MDC1: variants seen among roughly 807,000 people sequenced by gnomAD.
The protein encoded by MDC1 is mediator of DNA damage checkpoint 1.
In MDC1, 81 loss-of-function variants were observed where a neutral mutation model predicts 142.5. That is an observed-to-expected ratio of 0.57 (90% CI 0.47 to 0.68). MDC1 has a LOEUF of 0.68. Ranked by LOEUF, MDC1 falls within the 30% of genes least tolerant of loss-of-function variation. The probability of loss-of-function intolerance (pLI) is 0.00; values close to 1 mark genes in which losing one functional copy is unlikely to be tolerated. For missense variants in MDC1, 2,119 were observed against 2,547.9 expected (o/e 0.83, Z 3.62); for synonymous variants, 797 against 968.4 (o/e 0.82, Z 3.29).
At position 30,716,749 on chromosome 6, in the gene MDC1, A is replaced by AAATAGT. The variant is rs1384101333; in HGVS notation, c.-4+495_-4+496insACTATT. 1 of 196,874 alleles carries AAATAGT rather than the reference A, an allele frequency of 5.1e-6. No homozygotes were observed. The highest frequency in any genetic ancestry group is 2.4e-5 in the African/African-American group (1 of 41,826). 12.2% of individuals were successfully genotyped at this position (196,874 alleles called of 1,614,324 possible). Reference sequence around the variant, plus strand: ...CATATTCATTCAATGGTTATGGTATACCTGTTTGAAGTATTTGGTATACAT... The same window carrying AAATAGT: ...CATATTCATTCAATGGTTATGGTATAAATAGTCCTGTTTGAAGTATTTGGTATACAT... On this transcript the variant is annotated intron_variant, in intron 1 of 14. Transcript: ENST00000376406. The surrounding 1 kb of genome is among the most constrained non-coding windows in gnomAD (Gnocchi z 4.4).
In MDC1 at chr6:30,703,817, T is replaced by G; in HGVS notation, c.5366A>C (p.Gln1789Pro). The change falls in exon 10 of 15, where the codon CAA (glutamine) becomes CCA (proline). Residue 1789 changes from glutamine (Q) to proline (P), a missense_variant. Physicochemically the swap from Gln to Pro is moderately conservative, Grantham distance 76 (BLOSUM62 -1). Coordinates refer to ENST00000376406, the MANE Select transcript of MDC1 (RefSeq NM_014641.3). The surrounding 1 kb of genome is among the most constrained non-coding windows in gnomAD (Gnocchi z 4.4). ...AGATCTACCTGCTGGTTCCACCTTTTGGATCTGGGAGGCATGAATTGGTGT... is the reference window on the plus strand; with the variant it reads ...AGATCTACCTGCTGGTTCCACCTTTGGGATCTGGGAGGCATGAATTGGTGT... ...LETPIHASQI[Q>P]KVEPAGRSRF... 1 of 1,607,734 alleles carries G rather than the reference T, an allele frequency of 6.2e-7. No homozygotes were observed. The highest frequency in any genetic ancestry group is 1.7e-4 in the Middle Eastern group (1 of 6,018).
At position 30,712,570 on chromosome 6, in the gene MDC1, C is replaced by T; in HGVS notation, c.1372G>A (p.Glu458Lys). ...TTTTCCACTGGGAGCTCTTCCTCCT[C>T]CACGTCTGTGTCACTGTCTCTCTCA... ...TTERDSDTDV[E>K]EEELPVENRE... is the part of the protein sequence containing the mutation. The change falls in exon 5 of 15, where the codon GAG becomes AAG. Residue 458 changes from glutamate (E) to lysine (K), a missense_variant. Transcript: ENST00000376406. The surrounding 1 kb of genome is among the most constrained non-coding windows in gnomAD (Gnocchi z 4.7). The T allele has an allele frequency of 6.2e-7, 1 of 1,613,104 alleles. No individual in the cohort carries two copies. The highest frequency in any genetic ancestry group is 8.5e-7 in the Non-Finnish European group (1 of 1,180,038).
Position 30,708,007 on chromosome 6 carries a change from C to T in MDC1, c.2572G>A (p.Asp858Asn). Residue 858 changes from aspartate to asparagine, a missense_variant, in exon 8 of 15, where the codon GAC becomes AAC. Asp to Asn is a conservative substitution (Grantham distance 23, BLOSUM62 1). Coordinates refer to ENST00000376406, the MANE Select transcript of MDC1 (RefSeq NM_014641.3). Reference sequence around the variant, plus strand: ...GCTAACAACTGTTTTTGTTCTCTGTCCTGTTTCCCCTTGGTTAATTCTTCC... The same window carrying T: ...GCTAACAACTGTTTTTGTTCTCTGTTCTGTTTCCCCTTGGTTAATTCTTCC... ...GEEELTKGKQ[D>N]REQKQLLARD... 4 of 1,613,058 alleles carry T rather than the reference C, an allele frequency of 2.5e-6. No individual in the cohort carries two copies. Among genetic ancestry groups the T allele is most frequent in the Non-Finnish European group, 3.4e-6 (4 of 1,180,028 alleles).
chr6:30,707,785 C>A lies in MDC1; in HGVS notation c.2794G>T (p.Glu932Ter). 6.2e-7 allele frequency: 1 copy of A among 1,613,072 alleles called. No homozygotes were observed. Among genetic ancestry groups the A allele is most frequent in the Non-Finnish European group, 8.5e-7 (1 of 1,180,040 alleles). The part of the protein sequence containing the change: ...PVANRECDPA[E>*]LEEKVPKVIL... ...ACTTTGGGCACCTTCTCTTCTAACT[C>A]GGCTGGATCGCACTCTCTGTTTGCT... The change falls in exon 8 of 15, where the codon GAG becomes TAG. Residue 932 changes from glutamate to a stop codon, truncating the protein, a stop_gained. Coordinates refer to ENST00000376406, the MANE Select transcript of MDC1 (RefSeq NM_014641.3). LOFTEE classifies it high-confidence loss of function.
In MDC1 at chr6:30,712,302, C is replaced by T. The variant is rs762689062; in HGVS notation, c.1640G>A (p.Gly547Glu). The change falls in exon 5 of 15, where the codon GGG becomes GAG. Residue 547 changes from glycine (G) to glutamate (E), a missense_variant. Coordinates refer to ENST00000376406, the MANE Select transcript of MDC1 (RefSeq NM_014641.3). The surrounding 1 kb of genome is among the most constrained non-coding windows in gnomAD (Gnocchi z 4.7). ...HIKKHQVSVE[G>E]TNQTDVKAVG... ...TGCTTTCACATCTGTTTGATTTGTC[C>T]CCTCCACAGACACCTGATGCTTCTT... 8.0e-5 allele frequency: 129 copies of T among 1,612,952 alleles called. No homozygotes were observed. Among genetic ancestry groups the T allele is most frequent in the Non-Finnish European group, 1.1e-4 (126 of 1,180,040 alleles).
Position 30,703,663 on chromosome 6 carries a change from C to A in MDC1, c.5520G>T (p.Lys1840Asn). Residue 1840 changes from lysine (K) to asparagine (N), a missense_variant, in exon 10 of 15, where the codon AAG becomes AAT. Transcript: ENST00000376406. This position sits in a 1 kb window ranked among gnomAD's most constrained non-coding sequence, Gnocchi z 4.4. Reference protein sequence around the residue: ...GEVSQKTVIIKEEEEDTAEKP... With the variant: ...GEVSQKTVIINEEEEDTAEKP... ...TCTCTGCAGTATCTTCTTCCTCTTC[C>A]TTGATAATCACTGTCTTCTGGGAGA... 6.4e-7 allele frequency: 1 copy of A among 1,558,282 alleles called. No homozygotes were observed. The highest frequency in any genetic ancestry group is 2.0e-5 in the Admixed American group (1 of 50,172).
rs756581000 is a variant in MDC1 at position 30,711,405 on chromosome 6, C to T, written c.2221+7G>A. On this transcript the variant is annotated splice_region_variant and intron_variant, in intron 7 of 14. Coordinates refer to ENST00000376406, the MANE Select transcript of MDC1 (RefSeq NM_014641.3). ...GGGGACACAGAGGAGGGAAGAGTTT[C>T]TTATACCTGTTGTCTGGAAGCTGCA... 19 of 1,611,490 alleles carry T rather than the reference C, an allele frequency of 1.2e-5. No individual in the cohort carries two copies. Among genetic ancestry groups the T allele is most frequent in the Non-Finnish European group, 1.6e-5 (19 of 1,178,702 alleles).
Position 30,703,857 on chromosome 6 carries a change from G to A in MDC1, c.5326C>T (p.Pro1776Ser), listed in dbSNP as rs142662059. 296 of 1,613,918 alleles carry A rather than the reference G, an allele frequency of 1.8e-4. No individual in the cohort carries two copies. In the African/African-American group the frequency reaches 3.3e-3, roughly 18 times the overall value. Residue 1776 changes from proline to serine, a missense_variant, in exon 10 of 15, where the codon CCC (proline) becomes TCC (serine). Transcript: ENST00000376406. The surrounding 1 kb of genome is among the most constrained non-coding windows in gnomAD (Gnocchi z 4.4). ...TGAATTGGTGTCTCAAGAAGCTGGG[G>A]AGAGGCAGGCTCAGGAATGGCTGTA... The part of the protein sequence containing the change: ...SLTAIPEPAS[P>S]QLLETPIHAS...
rs537255938 is a variant in MDC1, at chr6:30,703,732, G to A, written c.5451C>T (p.Thr1817=). The A allele has an allele frequency of 3.9e-6, 6 of 1,542,712 alleles. No homozygotes were observed. The highest frequency in any genetic ancestry group is 5.2e-6 in the Non-Finnish European group (6 of 1,149,220). ...ASQSRKRSLA[T]MDSPPHQKQP... ...GTTTTTGATGTGGTGGTGAATCCATGGTAGCTAAAGACCTCTTGCGGCTTT... is the reference window on the plus strand; with the variant it reads ...GTTTTTGATGTGGTGGTGAATCCATAGTAGCTAAAGACCTCTTGCGGCTTT... Residue 1817 remains threonine, a synonymous_variant, in exon 10 of 15, where the codon ACC becomes ACT. Coordinates refer to ENST00000376406, the MANE Select transcript of MDC1 (RefSeq NM_014641.3). This position sits in a 1 kb window ranked among gnomAD's most constrained non-coding sequence, Gnocchi z 4.4.
In MDC1 at chr6:30,712,675, G is replaced by A; in HGVS notation, c.1267C>T (p.Gln423Ter). 1.9e-6 allele frequency: 3 copies of A among 1,612,998 alleles called. No homozygotes were observed. The highest frequency in any genetic ancestry group is 2.5e-6 in the Non-Finnish European group (3 of 1,179,996). Residue 423 changes from glutamine to a stop codon, truncating the protein, a stop_gained, in exon 5 of 15, where the codon CAG becomes TAG. Transcript: ENST00000376406. LOFTEE classifies it high-confidence loss of function. The surrounding 1 kb of genome is among the most constrained non-coding windows in gnomAD (Gnocchi z 4.7). ...GCATCTCTGTTCCATATAGCAGGCTGGCTCTCTTTCAGATGTGCCAAAGTC... is the reference window on the plus strand; with the variant it reads ...GCATCTCTGTTCCATATAGCAGGCTAGCTCTCTTTCAGATGTGCCAAAGTC... ...ALTLAHLKES[Q>*]PAIWNRDAEE...
Position 30,711,401 on chromosome 6 carries a change from G to A in MDC1, c.2221+11C>T. On this transcript the variant is annotated intron_variant, in intron 7 of 14. Coordinates refer to ENST00000376406, the MANE Select transcript of MDC1 (RefSeq NM_014641.3). Reference sequence around the variant, plus strand: ...AATTGGGGACACAGAGGAGGGAAGAGTTTCTTATACCTGTTGTCTGGAAGC... The same window carrying A: ...AATTGGGGACACAGAGGAGGGAAGAATTTCTTATACCTGTTGTCTGGAAGC... 1.2e-6 allele frequency: 2 copies of A among 1,608,384 alleles called. No homozygotes were observed. Among genetic ancestry groups the A allele is most frequent in the Non-Finnish European group, 1.7e-6 (2 of 1,175,870 alleles).
At chr6:30,701,662 T>C (rs1772715270) in intron 14 of MDC1, among the ~76,000 whole-genome samples, 2 of 152,182 alleles carry the variant, frequency 1.3e-5, no homozygotes. Context: ...TGTGGCAGTA[T>C]GTGGACCTTA....
At chr6:30,710,693 G>A (rs1405303160) in intron 7 of MDC1, among the ~76,000 whole-genome samples, 1 of 152,182 alleles carries the variant, frequency 6.6e-6, no homozygotes, top group Non-Finnish European at 1.5e-5. Context: ...CACTGTGCCC[G>A]ACCCCGGCCT....
Position 30,712,193 on chromosome 6 carries a change from C to T in MDC1, c.1749G>A (p.Glu583=), listed in dbSNP as rs142742455. Residue 583 remains glutamate, a synonymous_variant, in exon 5 of 15, where the codon GAG becomes GAA. Transcript: ENST00000376406. This position sits in a 1 kb window ranked among gnomAD's most constrained non-coding sequence, Gnocchi z 4.7. ...CTACTGAGGCTGTTAGGGAGGTGCCCTCCTCTGCATCTGTTTCACAGTCCC... is the reference window on the plus strand; with the variant it reads ...CTACTGAGGCTGTTAGGGAGGTGCCTTCCTCTGCATCTGTTTCACAGTCCC... ...LHGDCETDAE[E]GTSLTASVVA... is the part of the protein sequence containing the mutation. The T allele has an allele frequency of 1.2e-6, 2 of 1,612,754 alleles. No individual in the cohort carries two copies. Among genetic ancestry groups the T allele is most frequent in the African/African-American group, 2.7e-5 (2 of 74,944 alleles).
chr6:30,703,404 C>T lies in MDC1; in HGVS notation c.5682+14G>A. The T allele has an allele frequency of 6.2e-7, 1 of 1,613,674 alleles. No homozygotes were observed. Among genetic ancestry groups the T allele is most frequent in the Non-Finnish European group, 8.5e-7 (1 of 1,180,026 alleles). ...TCTCTGTCTCCCACAAAGTCCCATGCCTTTGTCTCTTACTTTGGGGGCTGT... is the reference window on the plus strand; with the variant it reads ...TCTCTGTCTCCCACAAAGTCCCATGTCTTTGTCTCTTACTTTGGGGGCTGT... On this transcript the variant is annotated intron_variant, in intron 11 of 14. Coordinates refer to ENST00000376406, the MANE Select transcript of MDC1 (RefSeq NM_014641.3). This position sits in a 1 kb window ranked among gnomAD's most constrained non-coding sequence, Gnocchi z 4.4.
chr6:30,711,820 G>T, intron 5 of MDC1, 54 bp downstream of exon 5: 2 of 1,558,018 alleles, frequency 1.3e-6, no homozygotes, highest in Admixed American at 1.9e-5. Flanking sequence ...CCCAACCCCA[G>T]CTGTTAGAAC....
rs772764905 is a variant in MDC1 at position 30,703,278 on chromosome 6, G to A, written c.5691C>T (p.Phe1897=). Residue 1897 remains phenylalanine (F), a synonymous_variant, in exon 12 of 15, where the codon TTC becomes TTT. Coordinates refer to ENST00000376406, the MANE Select transcript of MDC1 (RefSeq NM_014641.3). The surrounding 1 kb of genome is among the most constrained non-coding windows in gnomAD (Gnocchi z 4.4). ...CTCCCCGAGCATCCACCACTCCTGT[G>A]AAGAGCACCTGTGGAAGGGTTGACC... ...NQESTAPKVL[F]TGVVDARGER... 1 of 1,611,906 alleles carries A rather than the reference G, an allele frequency of 6.2e-7. No individual in the cohort carries two copies. The highest frequency in any genetic ancestry group is 8.5e-7 in the Non-Finnish European group (1 of 1,179,122).
At position 30,705,991 on chromosome 6, in the gene MDC1, C is replaced by T. The variant is rs576365258; in HGVS notation, c.3192G>A (p.Pro1064=). The T allele has an allele frequency of 3.0e-5, 49 of 1,608,324 alleles. No homozygotes were observed. The highest frequency in any genetic ancestry group is 1.6e-4 in the Middle Eastern group (1 of 6,066). The change falls in exon 10 of 15, where the codon CCG becomes CCA. Residue 1064 remains proline (P), a synonymous_variant. Transcript: ENST00000376406. ...AAGGTAAAAGGGGAGAAAGAAGGGG[C>T]GGAGGTGCAAGATGTTTCTGGCTCT... ...NSQSQKHLAP[P]PLLSPLLPSI...
At position 30,713,859 on chromosome 6, in the gene MDC1, T is replaced by G; in HGVS notation, c.461A>C (p.Gln154Pro). 1 of 1,614,176 alleles carries G rather than the reference T, an allele frequency of 6.2e-7. No individual in the cohort carries two copies. Among genetic ancestry groups the G allele is most frequent in the Non-Finnish European group, 8.5e-7 (1 of 1,180,028 alleles). Residue 154 changes from glutamine (Q) to proline (P), a missense_variant, in exon 3 of 15, where the codon CAG (glutamine) becomes CCG (proline). Gln to Pro is a moderately conservative substitution (Grantham distance 76). Coordinates refer to ENST00000376406, the MANE Select transcript of MDC1 (RefSeq NM_014641.3). This position sits in a 1 kb window ranked among gnomAD's most constrained non-coding sequence, Gnocchi z 4.9. ...PLTVEETPRV[Q>P]GETQPQRLLL... ...AAGCCTCTGGGGTTGAGTTTCTCCC[T>G]GTACTCTGGGTGTCTCTTCTACTGT...
Sources: gnomAD v4.1 joint callset for allele counts (sites outside exome capture counted in the v4.1 genomes callset) on GRCh38, gnomAD v4.1.1 for gene constraint, Gnocchi (gnomAD v3.1) non-coding constraint, MANE v1.5 for transcripts, NCBI Gene and HGNC (gene_info 2026-07-23, HGNC 2026-07-21) for gene names.